Variants in SGCZ observed in about 807,000 individuals in gnomAD.
SGCZ encodes the protein zeta-sarcoglycan.
A neutral mutation model predicts 41.3 loss-of-function variants in SGCZ; 40 were observed. The observed-to-expected ratio is 0.97, with a 90% CI of 0.75 to 1.26. The LOEUF (loss-of-function observed/expected upper bound fraction) is 1.26, where lower values mean the gene tolerates loss of function less well. Among genes scored for constraint, SGCZ ranks in the 50% most tolerant of loss-of-function variants. The probability of loss-of-function intolerance (pLI) is 0.00; values close to 1 mark genes in which losing one functional copy is unlikely to be tolerated. For synonymous variants in SGCZ, 206 were observed against 137.5 expected (o/e 1.50, Z -3.49); for missense variants, 552 against 369.8 (o/e 1.49, Z -4.04).
chr8:14,750,417 A>G (rs1270194679), intron 1 of SGCZ, among the ~76,000 whole-genome samples: 6 of 152,172 alleles, frequency 3.9e-5, no homozygotes, highest in Non-Finnish European at 8.8e-5. Flanking sequence ...TTGCAAGCAT[A>G]GGAAGGGACA....
At chr8:14,401,900 A>G (rs1799087273) in intron 2 of SGCZ, among the ~76,000 whole-genome samples, 1 of 150,458 alleles carries the variant, frequency 6.6e-6, no homozygotes, top group Non-Finnish European at 1.5e-5. Context: ...TTACAGTCCC[A>G]CCAACAGTGT....
intron 1 of SGCZ, among the ~76,000 whole-genome samples, chr8:14,932,971 T>C (rs1799960991): frequency 6.6e-6 from 1 of 151,982 alleles, no homozygotes; most frequent in Non-Finnish European, 1.5e-5. Context: ...ATACCACATG[T>C]TCTTGCTTAT....
chr8:14,681,649 T>C (rs1160334328), intron 1 of SGCZ, among the ~76,000 whole-genome samples: 1 of 152,186 alleles, frequency 6.6e-6, no homozygotes, highest in Admixed American at 6.5e-5. Context: ...TGAGATTAGA[T>C]GTAAAATTCA....
intron 1 of SGCZ, among the ~76,000 whole-genome samples, chr8:15,066,425 C>T (rs1262875206): frequency 6.6e-6 from 1 of 151,600 alleles, no homozygotes; most frequent in Non-Finnish European, 1.5e-5. Flanking sequence ...ATAACTGTTC[C>T]AATAGTCTAA....
intron 3 of SGCZ, among the ~76,000 whole-genome samples, chr8:14,302,909 A>T (rs1336494180): frequency 4.6e-5 from 7 of 152,108 alleles, no homozygotes; most frequent in Non-Finnish European, 8.8e-5. Context: ...TTTCTTTTCA[A>T]TTTCATTGAG....
rs1040047770 is a variant in SGCZ, at chr8:15,018,977, G to A, written c.39+218608C>T. Among the ~76,000 whole-genome samples the A allele has an allele frequency of 7.2e-5, 11 of 152,252 alleles. No individual in the cohort carries two copies. The East Asian group carries it at 1.4e-3, about 19-fold the overall frequency. The stretch of plus-strand genomic sequence containing the variant: ...GGAAGAAGGGATGTCTTACATGGCC[G>A]GAGCAGGAGAGGAGATCAAAGCAGG... On this transcript the variant is annotated intron_variant, in intron 1 of 7. Transcript: ENST00000382080.
chr8:14,795,381 G>C (rs986592178), intron 1 of SGCZ, among the ~76,000 whole-genome samples: 1 of 152,010 alleles, frequency 6.6e-6, no homozygotes, highest in African/African-American at 2.4e-5. Flanking sequence ...TTTCTTCTGA[G>C]GGAGAAAATA....
At chr8:14,238,193 T>G (rs1806837020) in intron 3 of SGCZ, among the ~76,000 whole-genome samples, 1 of 152,240 alleles carries the variant, frequency 6.6e-6, no homozygotes, top group Non-Finnish European at 1.5e-5. Flanking sequence ...AATTTAATTT[T>G]ACGTGTCTAT....
intron 2 of SGCZ, among the ~76,000 whole-genome samples, chr8:14,389,228 A>T (rs1019472804): frequency 2.6e-5 from 4 of 151,980 alleles, no homozygotes; most frequent in Non-Finnish European, 5.9e-5. Flanking sequence ...ATATAAATGA[A>T]AAGGCAAAAC....
At chr8:14,437,283 T>C (rs1338763731) in intron 2 of SGCZ, among the ~76,000 whole-genome samples, 1 of 152,186 alleles carries the variant, frequency 6.6e-6, no homozygotes, top group African/African-American at 2.4e-5. Context: ...AAATAATTTC[T>C]TATACCACAT....
At chr8:14,531,405 T>C (rs1321044215) in intron 2 of SGCZ, among the ~76,000 whole-genome samples, 1 of 151,888 alleles carries the variant, frequency 6.6e-6, no homozygotes, top group Non-Finnish European at 1.5e-5. Context: ...TGAAACTCAC[T>C]GAACTGCGGG....
chr8:14,307,724 T>C (rs934381537), intron 3 of SGCZ, among the ~76,000 whole-genome samples: 4 of 152,110 alleles, frequency 2.6e-5, no homozygotes, highest in African/African-American at 9.7e-5. Flanking sequence ...AAAGTGGTGA[T>C]TTTTTTCATC....
intron 2 of SGCZ, among the ~76,000 whole-genome samples, chr8:14,464,471 G>C (rs1800990965): frequency 6.9e-6 from 1 of 144,332 alleles, no homozygotes; most frequent in Non-Finnish European, 1.5e-5. Flanking sequence ...TTCTGATTTT[G>C]GAAATTTGAG....
intron 1 of SGCZ, among the ~76,000 whole-genome samples, chr8:15,096,651 T>C (rs745838985): frequency 2.6e-5 from 4 of 152,146 alleles, no homozygotes; most frequent in Non-Finnish European, 5.9e-5. Flanking sequence ...ATTGTAAATA[T>C]CTTTTTAATT....
chr8:14,464,346 T>C (rs995627755), intron 2 of SGCZ, among the ~76,000 whole-genome samples: 2 of 151,568 alleles, frequency 1.3e-5, no homozygotes, highest in Non-Finnish European at 3.0e-5. Context: ...ATTTTGTCTT[T>C]CTATGAAGTT....
intron 1 of SGCZ, among the ~76,000 whole-genome samples, chr8:15,053,628 C>A: frequency 6.6e-6 from 1 of 151,834 alleles, no homozygotes; most frequent in East Asian, 1.9e-4. Flanking sequence ...AAAAGAAAGT[C>A]GGAGGTGATA....
At chr8:15,161,985 T>G (rs1447180147) in intron 1 of SGCZ, among the ~76,000 whole-genome samples, 4 of 152,148 alleles carry the variant, frequency 2.6e-5, no homozygotes, top group Admixed American at 6.5e-5. Context: ...GACCCAAGAT[T>G]GCACCACGGC....
intron 2 of SGCZ, among the ~76,000 whole-genome samples, chr8:14,457,258 G>C (rs1010106870): frequency 6.6e-6 from 1 of 152,220 alleles, no homozygotes; most frequent in Non-Finnish European, 1.5e-5. Context: ...ATAGTGAGGT[G>C]TAACTAGAAA....
At chr8:15,048,356 G>T (rs1183326185) in intron 1 of SGCZ, among the ~76,000 whole-genome samples, 1 of 151,936 alleles carries the variant, frequency 6.6e-6, no homozygotes, top group Non-Finnish European at 1.5e-5. Context: ...ATGAAGAGAG[G>T]TTGGTTAATG....
Sources: gnomAD v4.1 joint callset for allele counts (sites outside exome capture counted in the v4.1 genomes callset) on GRCh38, gnomAD v4.1.1 for gene constraint, MANE v1.5 for transcripts, NCBI Gene and HGNC (gene_info 2026-07-23, HGNC 2026-07-21) for gene names.